The following NDUFAF6 variants were observed in gnomAD, a reference collection of about 807,000 sequenced individuals.
NDUFAF6 encodes the protein NADH dehydrogenase (ubiquinone) complex I, assembly factor 6.
NDUFAF6 carries 45 observed loss-of-function variants against 40.8 expected under a neutral mutation model. That is an observed-to-expected ratio of 1.10 (90% CI 0.87 to 1.42). NDUFAF6 has a LOEUF of 1.42. Among genes scored for constraint, NDUFAF6 ranks in the 40% most tolerant of loss-of-function variants. The pLI, the probability that NDUFAF6 is intolerant of heterozygous loss-of-function variation, is 0.00. For synonymous variants in NDUFAF6, 185 were observed against 155.9 expected (o/e 1.19, Z -1.39); for missense variants, 435 against 418.5 (o/e 1.04, Z -0.34).
intron 2 of NDUFAF6, among the ~76,000 whole-genome samples, chr8:94,992,790 TC>T (rs1278507973): frequency 1.3e-5 from 2 of 152,226 alleles, no homozygotes; most frequent in Non-Finnish European, 2.9e-5. Context: ...TCCTTTACCA[TC>T]TTCTCTGGCT....
chr8:94,929,136 C>T lies in NDUFAF6; in HGVS notation c.-935-16347C>T, dbSNP rs537469237. On this transcript the variant is annotated intron_variant, in intron 1 of 14. Transcript: ENST00000396113. ...TGCACCCTGGCCTCATTAGCACCAA[C>T]ACTGTGAAGAACAGCTGTGGCAGAG... is the stretch of plus-strand genomic sequence containing the variant. The T allele has an allele frequency of 2.0e-5, 3 of 152,728 alleles. No homozygotes were observed. The East Asian group carries it at 5.8e-4, about 30-fold the overall frequency. 9.5% of individuals were successfully genotyped at this position (152,728 alleles called of 1,614,324 possible).
At position 95,025,081 on chromosome 8, in the gene NDUFAF6, C is replaced by T. The variant is rs2131712745; in HGVS notation, c.73C>T (p.Pro25Ser). 1 of 1,453,516 alleles carries T rather than the reference C, an allele frequency of 6.9e-7. No individual in the cohort carries two copies. The highest frequency in any genetic ancestry group is 9.0e-7 in the Non-Finnish European group (1 of 1,113,598). The allele number at this position is 1,453,516 out of a possible 1,614,324, so 90.0% of individuals were successfully genotyped here. A position where few individuals can be genotyped will look rare whatever the true frequency, so the allele number is the denominator to read the frequency against. The change falls in exon 1 of 9, where the codon CCG becomes TCG. Residue 25 changes from proline (P) to serine (S), a missense_variant. By Grantham distance (74) the Pro-to-Ser change is moderately conservative. Coordinates refer to ENST00000396124, the MANE Select transcript of NDUFAF6 (RefSeq NM_152416.4). ...CATCCCCGGCCTGTGCTGCCGCCGGCCGCCTCTGGGTCTGTACGCGCGCAT... is the reference window on the plus strand; with the variant it reads ...CATCCCCGGCCTGTGCTGCCGCCGGTCGCCTCTGGGTCTGTACGCGCGCAT... ...LGIPGLCCRR[P>S]PLGLYARMRR...
In NDUFAF6 at chr8:94,986,794, G is replaced by GTCACAT. The variant is rs553973635; in HGVS notation, c.-84+5822_-84+5827dup. On this transcript the variant is annotated intron_variant, in intron 2 of 9. Transcript: ENST00000396111. ...TGATGATTCTATTCCCCTATTACCT[G>GTCACAT]TCACATGAGAGCCAGTTAGGACTAA... Among the ~76,000 whole-genome samples, 620 of 152,292 alleles carry GTCACAT rather than the reference G, an allele frequency of 4.1e-3. 3 individuals carry two copies. The highest frequency in any genetic ancestry group is 6.7e-3 in the Non-Finnish European group (457 of 68,036).
chr8:94,899,174 C>T (rs1817854001), intron 1 of NDUFAF6, among the ~76,000 whole-genome samples: 1 of 152,226 alleles, frequency 6.6e-6, no homozygotes, highest in African/African-American at 2.4e-5. Context: ...GCTGGGATTA[C>T]AGGCATGAGC....
chr8:94,914,221 C>T (rs980650368), intron 1 of NDUFAF6, among the ~76,000 whole-genome samples: 1 of 140,356 alleles, frequency 7.1e-6, no homozygotes, highest in African/African-American at 2.6e-5. Context: ...AGTGGATAAA[C>T]TTTGGGAATA....
In NDUFAF6 at chr8:94,952,366, G is replaced by T. The variant is rs533719486; in HGVS notation, c.-798-5629G>T. 2.3e-3 allele frequency among the ~76,000 whole-genome samples: 356 copies of T among 152,336 alleles called. 2 individuals are homozygous for T. Among genetic ancestry groups the T allele is most frequent in the Non-Finnish European group, 4.0e-3 (273 of 68,028 alleles). On this transcript the variant is annotated intron_variant, in intron 2 of 14. Coordinates refer to the NDUFAF6 transcript ENST00000396113. ...GCCTCAGAACACAAAGCAACAAGTTGTTCTGTCTGTACTGAGGAGAATGGC... is the reference window on the plus strand; with the variant it reads ...GCCTCAGAACACAAAGCAACAAGTTTTTCTGTCTGTACTGAGGAGAATGGC...
At chr8:94,999,796 T>C (rs1826633965) in intron 2 of NDUFAF6, among the ~76,000 whole-genome samples, 1 of 152,224 alleles carries the variant, frequency 6.6e-6, no homozygotes, top group African/African-American at 2.4e-5. Flanking sequence ...TATCTGTGAG[T>C]TGAAAAATTC....
chr8:95,044,757 C>CT (rs373961068), intron 4 of NDUFAF6, among the ~76,000 whole-genome samples: 1,656 of 141,880 alleles, frequency 0.012, 13 homozygotes, highest in Middle Eastern at 0.033. Flanking sequence ...CACCCAGCCT[C>CT]TTTTTTTTTT....
At chr8:94,974,314 T>C (rs1482694889) in intron 1 of NDUFAF6, among the ~76,000 whole-genome samples, 4 of 151,114 alleles carry the variant, frequency 2.6e-5, no homozygotes, top group Middle Eastern at 3.2e-3. Flanking sequence ...CGGAAAAATA[T>C]AATGACCAGA....
In NDUFAF6 at chr8:95,035,884, G is replaced by A. The variant is rs571572779; in HGVS notation, c.420+308G>A. On this transcript the variant is annotated intron_variant, in intron 3 of 8. Coordinates refer to ENST00000396124, the MANE Select transcript of NDUFAF6 (RefSeq NM_152416.4). ...AAATCCTACACATTTTGATATAATA[G>A]CAAGTAAAATGTTCTGTTCTCTCTG... is the stretch of plus-strand genomic sequence containing the variant. 3.3e-5 allele frequency among the ~76,000 whole-genome samples: 5 copies of A among 152,276 alleles called. No individual in the cohort carries two copies. In the East Asian group the frequency reaches 9.6e-4, roughly 29 times the overall value.
intron 2 of NDUFAF6, among the ~76,000 whole-genome samples, chr8:94,948,572 AGCC>A (rs1822224759): frequency 6.6e-6 from 1 of 152,124 alleles, no homozygotes; most frequent in Admixed American, 6.5e-5. Flanking sequence ...GGTTCCCCAT[AGCC>A]GCAGGGCCTC....
chr8:95,034,918 C>T (rs1260124401), intron 2 of NDUFAF6, among the ~76,000 whole-genome samples: 2 of 150,894 alleles, frequency 1.3e-5, no homozygotes, highest in East Asian at 3.9e-4. Context: ...TCGCTCTTGT[C>T]GCCCAGGCTA....
intron 2 of NDUFAF6, among the ~76,000 whole-genome samples, chr8:94,949,791 G>T (rs1375580625): frequency 6.6e-6 from 1 of 152,204 alleles, no homozygotes; most frequent in Non-Finnish European, 1.5e-5. Flanking sequence ...GGCACAAAGG[G>T]CGCAGAACGT....
At chr8:94,897,484 TA>T (rs1207643767) in intron 1 of NDUFAF6, among the ~76,000 whole-genome samples, 1 of 152,174 alleles carries the variant, frequency 6.6e-6, no homozygotes, top group African/African-American at 2.4e-5. Context: ...TTTTCCTACT[TA>T]TCCGTTTTAA....
intron 2 of NDUFAF6, among the ~76,000 whole-genome samples, chr8:95,087,298 A>G (rs1013923340): frequency 2.0e-5 from 3 of 152,130 alleles, no homozygotes; most frequent in African/African-American, 7.2e-5. Flanking sequence ...CTTCTTATAC[A>G]TTAACAGGCA....
chr8:95,031,919 A>G, intron 1 of NDUFAF6, 76 bp from the exon 2 acceptor site: 2 of 1,418,328 alleles, frequency 1.4e-6, no homozygotes, highest in Non-Finnish European at 2.0e-6. Flanking sequence ...TTTTGTTTTC[A>G]GTTAATTTTA....
intron 2 of NDUFAF6, among the ~76,000 whole-genome samples, chr8:94,952,955 G>A (rs1205998803): frequency 1.3e-5 from 2 of 152,210 alleles, no homozygotes; most frequent in Admixed American, 6.5e-5. Flanking sequence ...ACTAATGATC[G>A]CTTCAGGCCT....
At position 95,045,527 on chromosome 8, in the gene NDUFAF6, G is replaced by A. The variant is rs1416231159; in HGVS notation, c.478-18G>A. 1.9e-6 allele frequency: 3 copies of A among 1,566,998 alleles called. No individual in the cohort carries two copies. In the South Asian group the frequency reaches 3.3e-5, roughly 17 times the overall value. ...ATTGACAGTTCAACAGACTTTATTTGCATTTTATTTGATGTAGGAAAAAAA... is the reference window on the plus strand; with the variant it reads ...ATTGACAGTTCAACAGACTTTATTTACATTTTATTTGATGTAGGAAAAAAA... On this transcript the variant is annotated intron_variant, in intron 4 of 8. Coordinates refer to ENST00000396124, the MANE Select transcript of NDUFAF6 (RefSeq NM_152416.4).
At chr8:95,092,088 T>C (rs910285262) in intron 2 of NDUFAF6, among the ~76,000 whole-genome samples, 1 of 152,000 alleles carries the variant, frequency 6.6e-6, no homozygotes, top group African/African-American at 2.4e-5. Flanking sequence ...AACTTCACAC[T>C]GCACTCCGAG....
Sources: allele counts gnomAD v4.1 joint callset (sites outside exome capture counted in the v4.1 genomes callset), GRCh38; gene constraint gnomAD v4.1.1; transcripts MANE v1.5; gene names NCBI Gene and HGNC (gene_info 2026-07-23, HGNC 2026-07-21).